The following ZPBP variants were observed in gnomAD, a reference collection of about 807,000 sequenced individuals.
ZPBP encodes the protein zona pellucida-binding protein 1.
In ZPBP, 26 loss-of-function variants were observed where a neutral mutation model predicts 44.8. The observed-to-expected ratio is 0.58, with a 90% CI of 0.43 to 0.81. ZPBP has a LOEUF of 0.81. ZPBP is among the 30% of genes least tolerant of loss of function. ZPBP has a pLI of 0.00. For synonymous variants in ZPBP, 174 were observed against 153.2 expected (o/e 1.14, Z -1.00); for missense variants, 409 against 434.0 (o/e 0.94, Z 0.51).
intron 3 of ZPBP, among the ~76,000 whole-genome samples, chr7:50,070,804 CAT>C (rs1584169757): frequency 6.6e-6 from 1 of 152,116 alleles, no homozygotes; most frequent in Admixed American, 6.5e-5. Flanking sequence ...TTAATTGAGA[CAT>C]GTATTATATT....
chr7:49,957,619 G>A (rs1795666675), intron 7 of ZPBP, among the ~76,000 whole-genome samples: 1 of 152,202 alleles, frequency 6.6e-6, no homozygotes, highest in South Asian at 2.1e-4. Context: ...CAGAATGCAA[G>A]GGCTGTGGAG....
At chr7:50,091,259 G>GT (rs1802979684) in intron 1 of ZPBP, among the ~76,000 whole-genome samples, 1 of 151,978 alleles carries the variant, frequency 6.6e-6, no homozygotes, top group South Asian at 2.1e-4. Context: ...TATTGTGAAG[G>GT]TTTTCTCCCA....
intron 2 of ZPBP, among the ~76,000 whole-genome samples, chr7:49,891,947 A>G (rs1792147651): frequency 6.6e-6 from 1 of 151,392 alleles, no homozygotes. Flanking sequence ...ATAAATTTTG[A>G]TATATTCATA....
At chr7:49,930,534 A>G (rs1445935859) in intron 1 of ZPBP, among the ~76,000 whole-genome samples, 1 of 152,226 alleles carries the variant, frequency 6.6e-6, no homozygotes, top group East Asian at 1.9e-4. Context: ...ATGAAAATTA[A>G]TAGAGGAAGA....
rs188887945 is a variant in ZPBP, at chr7:49,978,133, T to C, written c.961+5209A>G. On this transcript the variant is annotated intron_variant, in intron 7 of 7. Transcript: ENST00000046087. ...AAATAACATGGGAGAAAGTTGAATA[T>C]ATAAGCTATACAAAAATATAATAGA... 3.1e-3 allele frequency among the ~76,000 whole-genome samples: 463 copies of C among 151,306 alleles called. 6 individuals carry two copies. The highest frequency in any genetic ancestry group is 5.9e-3 in the Admixed American group (89 of 15,182).
At chr7:49,918,419 A>C (rs545204474) in intron 1 of ZPBP, 1 of 152,334 alleles carries the variant, frequency 6.6e-6, no homozygotes, top group East Asian at 1.9e-4. Context: ...TAATTCTAGA[A>C]TATCAATCTT....
intron 1 of ZPBP, chr7:49,919,762 C>T (rs545791820): frequency 6.6e-6 from 1 of 152,466 alleles, no homozygotes; most frequent in African/African-American, 2.4e-5. Flanking sequence ...CCCCAGGGGG[C>T]TCAGCTGCCA....
chr7:50,008,539 T>C (rs1025519024), intron 6 of ZPBP, among the ~76,000 whole-genome samples: 1 of 151,918 alleles, frequency 6.6e-6, no homozygotes, highest in African/African-American at 2.4e-5. Context: ...TCATATGAAA[T>C]CTCATGAGAC....
chr7:49,929,691 G>C (rs530703553), intron 1 of ZPBP, among the ~76,000 whole-genome samples: 2 of 152,190 alleles, frequency 1.3e-5, no homozygotes, highest in African/African-American at 4.8e-5. Flanking sequence ...CAGATAAACT[G>C]TCTAGACCAT....
chr7:49,934,923 T>A (rs1271238840), downstream of ZPBP, among the ~76,000 whole-genome samples: 1 of 152,190 alleles, frequency 6.6e-6, no homozygotes, highest in Admixed American at 6.5e-5. Context: ...TCAGATGATA[T>A]AATTGCTAAA....
chr7:49,851,154 G>C (rs1028598224), intron 2 of ZPBP, among the ~76,000 whole-genome samples: 3 of 152,158 alleles, frequency 2.0e-5, no homozygotes, highest in Non-Finnish European at 2.9e-5. Context: ...GGTTTTAGAG[G>C]CTTCACTGCA....
intron 1 of ZPBP, chr7:49,912,289 G>T (rs560150348): frequency 2.5e-6 from 3 of 1,209,984 alleles, no homozygotes; most frequent in Non-Finnish European, 1.1e-6. Context: ...TTTTGATGAG[G>T]AATAATGGAA....
intron 6 of ZPBP, among the ~76,000 whole-genome samples, chr7:49,996,144 T>C (rs1425180472): frequency 1.3e-5 from 2 of 152,242 alleles, no homozygotes; most frequent in African/African-American, 4.8e-5. Flanking sequence ...ACAAATATTA[T>C]GCATTAAAGA....
chr7:49,929,641 A>T (rs1407212115), intron 1 of ZPBP, among the ~76,000 whole-genome samples: 1 of 152,222 alleles, frequency 6.6e-6, no homozygotes, highest in Non-Finnish European at 1.5e-5. Flanking sequence ...GTTTTAAATT[A>T]GTTACTCTAT....
At chr7:49,942,286 C>A in intron 7 of ZPBP, 1 of 223,708 alleles carries the variant, frequency 4.5e-6, no homozygotes, top group South Asian at 7.2e-5. Context: ...GCTTCAGTCC[C>A]TCTGAGTCAT....
At chr7:49,962,497 T>C (rs1056548142) in intron 7 of ZPBP, among the ~76,000 whole-genome samples, 1 of 151,966 alleles carries the variant, frequency 6.6e-6, no homozygotes, top group African/African-American at 2.4e-5. Flanking sequence ...GTCAACCTGA[T>C]TAATGGCATT....
intron 5 of ZPBP, among the ~76,000 whole-genome samples, chr7:50,021,464 T>A (rs1238322875): frequency 2.0e-5 from 3 of 151,002 alleles, no homozygotes; most frequent in Non-Finnish European, 3.0e-5. Context: ...GACAGTTCAC[T>A]GAAATTATCC....
At chr7:49,985,197 T>A (rs1274434946) in intron 6 of ZPBP, among the ~76,000 whole-genome samples, 1 of 152,236 alleles carries the variant, frequency 6.6e-6, no homozygotes, top group Non-Finnish European at 1.5e-5. Flanking sequence ...ATAATTATTA[T>A]ACTTTGTTTT....
At chr7:50,092,670 T>A (rs1169209741) in intron 1 of ZPBP, among the ~76,000 whole-genome samples, 1 of 152,236 alleles carries the variant, frequency 6.6e-6, no homozygotes, top group African/African-American at 2.4e-5. Flanking sequence ...AACCAATAGA[T>A]GGCGCTCCAC....
Sources: allele counts gnomAD v4.1 joint callset (sites outside exome capture counted in the v4.1 genomes callset), GRCh38; gene constraint gnomAD v4.1.1; transcripts MANE v1.5; gene names NCBI Gene and HGNC (gene_info 2026-07-23, HGNC 2026-07-21).